OR1F1: variants seen among roughly 807,000 people sequenced by gnomAD.
OR1F1 encodes the protein olfactory receptor 1F1.
For synonymous variants in OR1F1, 184 were observed against 156.7 expected, an observed-to-expected ratio of 1.17 and a Z score of -1.30; for missense variants, 493 against 376.3, an observed-to-expected ratio of 1.31 and a Z score of -2.57.
At chr16:3,202,725 C>G (rs1007066161), upstream of OR1F1, among the ~76,000 whole-genome samples, 2 of 150,648 alleles carry the variant, frequency 1.3e-5, no homozygotes, top group African/African-American at 4.8e-5. Context: ...ATATCTTCAG[C>G]CTTCACCTAG....
At chr16:3,206,480 AT>A (rs1958211649), downstream of OR1F1, among the ~76,000 whole-genome samples, 1 of 152,140 alleles carries the variant, frequency 6.6e-6, no homozygotes, top group Non-Finnish European at 1.5e-5. Context: ...AAAGTCCTTA[AT>A]AAAAACCTCC....
the OR1F1 span, among the ~76,000 whole-genome samples, chr16:3,193,738 C>T: frequency 1.3e-5 from 2 of 152,196 alleles, no homozygotes; most frequent in African/African-American, 4.8e-5. Context: ...GATGGGACTA[C>T]AGGCGAGCGC....
At chr16:3,203,788 C>A (rs192378906), upstream of OR1F1, among the ~76,000 whole-genome samples, 3 of 152,276 alleles carry the variant, frequency 2.0e-5, 1 homozygote, top group East Asian at 1.9e-4. Context: ...AGAGTCACAT[C>A]AGTGGGACTT....
exon 1 of OR1F1, chr16:3,204,379 A>G: frequency 6.2e-7 from 1 of 1,614,002 alleles, no homozygotes; most frequent in Non-Finnish European, 8.5e-7. Context: ...GAACCTGCTC[A>G]TCATCCTGTC....
the OR1F1 span, among the ~76,000 whole-genome samples, chr16:3,198,477 G>A: frequency 2.0e-5 from 3 of 152,112 alleles, no homozygotes; most frequent in African/African-American, 7.2e-5. Context: ...GATGAACATG[G>A]GTGTTTTAGG....
At chr16:3,191,056 A>G in the OR1F1 span, among the ~76,000 whole-genome samples, 1 of 152,174 alleles carries the variant, frequency 6.6e-6, no homozygotes, top group Non-Finnish European at 1.5e-5. Flanking sequence ...GACACCTGCG[A>G]GGACTTCTGT....
At chr16:3,189,653 A>T in the OR1F1 span, 1 of 151,912 alleles carries the variant, frequency 6.6e-6, no homozygotes, top group Non-Finnish European at 1.5e-5. Flanking sequence ...GTCTAGGGGT[A>T]TGATTCTCGC....
the OR1F1 span, among the ~76,000 whole-genome samples, chr16:3,192,851 G>A: frequency 6.6e-6 from 1 of 152,162 alleles, no homozygotes; most frequent in African/African-American, 2.4e-5. Context: ...AGCTTTTGGC[G>A]GTCCGGTGGG....
exon 1 of OR1F1, chr16:3,204,948 G>T: frequency 1.2e-6 from 2 of 1,614,104 alleles, no homozygotes; most frequent in South Asian, 2.2e-5. Flanking sequence ...CAAAGGGAAG[G>T]TGGAAAGCCT....
chr16:3,206,151 A>C (rs1189197821), downstream of OR1F1, among the ~76,000 whole-genome samples: 1 of 152,190 alleles, frequency 6.6e-6, no homozygotes, highest in Non-Finnish European at 1.5e-5. Context: ...TGTCTTATGC[A>C]GTTGAGATAA....
At chr16:3,202,572 A>T (rs138096272), upstream of OR1F1, among the ~76,000 whole-genome samples, 2 of 151,840 alleles carry the variant, frequency 1.3e-5, no homozygotes, top group African/African-American at 4.8e-5. Context: ...TTTTAAGACG[A>T]ATTCTCGCTC....
At chr16:3,193,123 C>T in the OR1F1 span, among the ~76,000 whole-genome samples, 1 of 152,060 alleles carries the variant, frequency 6.6e-6, no homozygotes, top group African/African-American at 2.4e-5. Flanking sequence ...GACGGGGTTT[C>T]GCCATGTTGG....
chr16:3,194,288 G>C, the OR1F1 span, among the ~76,000 whole-genome samples: 1 of 152,228 alleles, frequency 6.6e-6, no homozygotes, highest in Admixed American at 6.5e-5. Context: ...TTGTTTGTTT[G>C]GTTTGGTTTG....
chr16:3,189,876 C>T, the OR1F1 span: 1 of 152,186 alleles, frequency 6.6e-6, no homozygotes, highest in African/African-American at 2.4e-5. Flanking sequence ...CATCTAGAGT[C>T]CTGTCACCAG....
downstream of OR1F1, among the ~76,000 whole-genome samples, chr16:3,205,352 G>A (rs758963417): frequency 6.6e-6 from 1 of 152,144 alleles, no homozygotes; most frequent in Non-Finnish European, 1.5e-5. Context: ...GTCATGCTCT[G>A]TCACCCAGGC....
the OR1F1 span, among the ~76,000 whole-genome samples, chr16:3,190,400 T>A: frequency 1.3e-5 from 2 of 152,154 alleles, no homozygotes; most frequent in Non-Finnish European, 2.9e-5. Flanking sequence ...TTTGGGACGC[T>A]GGGTTTGAGA....
chr16:3,188,889 T>TC, the OR1F1 span, among the ~76,000 whole-genome samples: 1 of 151,770 alleles, frequency 6.6e-6, no homozygotes, highest in East Asian at 1.9e-4. Flanking sequence ...TCCCGCCAGC[T>TC]CCCCCCAGTG....
At chr16:3,195,107 G>C in the OR1F1 span, among the ~76,000 whole-genome samples, 6 of 152,320 alleles carry the variant, frequency 3.9e-5, no homozygotes, top group African/African-American at 1.4e-4. Context: ...AGCGCATCCC[G>C]GCCCAGGAGG....
chr16:3,196,340 C>G, the OR1F1 span, among the ~76,000 whole-genome samples: 2 of 152,172 alleles, frequency 1.3e-5, no homozygotes, highest in Admixed American at 1.3e-4. Flanking sequence ...TTTAGCAAGA[C>G]TTAGGAGATG....
Sources: allele counts gnomAD v4.1 joint callset (sites outside exome capture counted in the v4.1 genomes callset), GRCh38; gene constraint gnomAD v4.1.1; transcripts MANE v1.5; gene names NCBI Gene and HGNC (gene_info 2026-07-23, HGNC 2026-07-21).